Variants in SEZ6L observed in about 807,000 individuals in gnomAD.
SEZ6L encodes seizure 6-like protein.
SEZ6L carries 37 observed loss-of-function variants against 106.2 expected under a neutral mutation model. The observed-to-expected ratio is 0.35, with a 90% confidence interval of 0.27 to 0.46. The LOEUF (loss-of-function observed/expected upper bound fraction) is 0.46. Among genes scored for constraint, SEZ6L ranks in the 20% least tolerant of loss-of-function variants. SEZ6L has a pLI of 1.00. For synonymous variants in SEZ6L, 541 were observed against 570.4 expected (o/e 0.95, Z 0.73); for missense variants, 1,172 against 1,332.8 (o/e 0.88, Z 1.88).
intron 1 of SEZ6L, 76 bp downstream of exon 1, chr22:26,169,839 C>CAGGGGT: frequency 4.3e-6 from 3 of 702,660 alleles, no homozygotes; most frequent in Non-Finnish European, 4.0e-6. Flanking sequence ...TCGGGGCTGA[C>CAGGGGT]CAGGGCGACT....
intron 1 of SEZ6L, among the ~76,000 whole-genome samples, chr22:26,222,494 T>G (rs2078506341): frequency 6.6e-6 from 1 of 152,202 alleles, no homozygotes; most frequent in Non-Finnish European, 1.5e-5. Context: ...CCAGCATTAT[T>G]GAGCCCTTCT....
chr22:26,275,548 G>C lies in SEZ6L; in HGVS notation c.95-16858G>C, dbSNP rs144314506. Among the ~76,000 whole-genome samples, 728 of 152,242 alleles carry C rather than the reference G, an allele frequency of 4.8e-3. 4 individuals carry two copies. The highest frequency in any genetic ancestry group is 0.017 in the African/African-American group (702 of 41,522). On this transcript the variant is annotated intron_variant, in intron 1 of 16. Transcript: ENST00000248933. ...TTCCATTATACAGAGGGTAAGTTGAGGCCCAGAAATGACAAGGGACTTCCC... is the reference window on the plus strand; with the variant it reads ...TTCCATTATACAGAGGGTAAGTTGACGCCCAGAAATGACAAGGGACTTCCC...
At chr22:26,230,932 A>C (rs2078779808) in intron 1 of SEZ6L, among the ~76,000 whole-genome samples, 1 of 152,232 alleles carries the variant, frequency 6.6e-6, no homozygotes, top group Non-Finnish European at 1.5e-5. Flanking sequence ...AAGTCGCCCA[A>C]GGCTTTCCAG....
At position 26,293,493 on chromosome 22, in the gene SEZ6L, G is replaced by A. The variant is rs144050057; in HGVS notation, c.835+347G>A. On this transcript the variant is annotated intron_variant, in intron 2 of 16. Transcript: ENST00000248933. ...CTACAAGCATGCACTATGATGTCCA[G>A]CTAATTTTTTTGTTTTTTGTAGAAA... 4.7e-4 allele frequency among the ~76,000 whole-genome samples: 72 copies of A among 152,276 alleles called. No homozygotes were observed. In the East Asian group the frequency reaches 8.3e-3, roughly 18 times the overall value.
rs187413336 is a variant in SEZ6L at position 26,274,428 on chromosome 22, C to T, written c.95-17978C>T. Among the ~76,000 whole-genome samples the T allele has an allele frequency of 8.9e-4, 135 of 152,298 alleles. No homozygotes were observed. In the Middle Eastern group the frequency reaches 0.01, roughly 12 times the overall value. On this transcript the variant is annotated intron_variant, in intron 1 of 16. Coordinates refer to ENST00000248933, the MANE Select transcript of SEZ6L (RefSeq NM_021115.5). ...ACAAGCACTTATCACCATTGGCCTT[C>T]ATCATCACCACCATCATCATCAAAG... is the stretch of plus-strand genomic sequence containing the variant.
chr22:26,289,696 G>A lies in SEZ6L; in HGVS notation c.95-2710G>A, dbSNP rs533837321. ...ACAGGAACATTTGTTGATGCCAGTTGCAAACTGTTGCAGTCTATATAGATT... is the reference window on the plus strand; with the variant it reads ...ACAGGAACATTTGTTGATGCCAGTTACAAACTGTTGCAGTCTATATAGATT... On this transcript the variant is annotated intron_variant, in intron 1 of 16. Transcript: ENST00000248933. 1.5e-3 allele frequency among the ~76,000 whole-genome samples: 235 copies of A among 152,344 alleles called. 5 individuals are homozygous for A. In the South Asian group the frequency reaches 0.016, roughly 10 times the overall value.
chr22:26,234,205 G>A (rs942325701), intron 1 of SEZ6L, among the ~76,000 whole-genome samples: 5 of 152,150 alleles, frequency 3.3e-5, no homozygotes, highest in Admixed American at 6.5e-5. Flanking sequence ...GAAACATCAC[G>A]TTAGCTCCTT....
intron 9 of SEZ6L, among the ~76,000 whole-genome samples, chr22:26,318,933 T>C (rs2082079593): frequency 6.6e-6 from 1 of 152,210 alleles, no homozygotes; most frequent in Admixed American, 6.5e-5. Context: ...CTGGCTTTCT[T>C]AACAAGTTGG....
Position 26,347,621 on chromosome 22 carries a change from CT to C in SEZ6L, c.2213-90del, listed in dbSNP as rs529855142. 2.3e-3 allele frequency: 2,323 copies of C among 1,013,156 alleles called. 2 individuals carry two copies. Among genetic ancestry groups the C allele is most frequent in the Non-Finnish European group, 2.9e-3 (2,087 of 714,614 alleles). 62.8% of individuals were successfully genotyped at this position (1,013,156 alleles called of 1,614,324 possible). On this transcript the variant is annotated intron_variant, in intron 10 of 16. Transcript: ENST00000248933. ...GAAGCGTGTTGCTCATTTCTAGAGGCTTTTTTTTCTCTTCGCTCATCCCTCT... is the reference window on the plus strand; with the variant it reads ...GAAGCGTGTTGCTCATTTCTAGAGGCTTTTTTTCTCTTCGCTCATCCCTCT...
intron 11 of SEZ6L, among the ~76,000 whole-genome samples, chr22:26,348,516 AGG>A (rs2083085166): frequency 6.2e-5 from 1 of 16,168 alleles, no homozygotes; most frequent in Non-Finnish European, 1.3e-4. Context: ...GAGAGAGAGA[AGG>A]AAGGAAGGAA....
Position 26,313,571 on chromosome 22 carries a change from T to TACACAC in SEZ6L, c.1877-166_1877-161dup, listed in dbSNP as rs56086023. On this transcript the variant is annotated intron_variant, in intron 8 of 16. Transcript: ENST00000248933. ...AGCTGGCCAGCTCTCATTTAATCAT[T>TACACAC]ACACACACACACACACACACACACA... is the stretch of plus-strand genomic sequence containing the variant. Among the ~76,000 whole-genome samples the TACACAC allele has an allele frequency of 3.8e-3, 395 of 103,876 alleles. 2 individuals are homozygous for TACACAC. Among genetic ancestry groups the TACACAC allele is most frequent in the African/African-American group, 0.014 (323 of 22,590 alleles). The allele number at this position is 103,876 out of a possible 152,430, so 68.1% of individuals were successfully genotyped here. A position where few individuals can be genotyped will look rare whatever the true frequency, so the allele number is the denominator to read the frequency against.
chr22:26,365,350 C>T (rs2146057332), intron 12 of SEZ6L, 22 bp from the exon 13 acceptor site: 1 of 1,591,028 alleles, frequency 6.3e-7, no homozygotes, highest in Non-Finnish European at 8.6e-7. Context: ...CTCATCAGAG[C>T]TCCTTCTGGC....
At chr22:26,316,052 CA>C (rs557963856) in intron 9 of SEZ6L, among the ~76,000 whole-genome samples, 2 of 150,748 alleles carry the variant, frequency 1.3e-5, no homozygotes, top group South Asian at 2.1e-4. Context: ...GACTCTGTCT[CA>C]AAAAAAAATA....
intron 6 of SEZ6L, 133 bp from the exon 7 acceptor site, chr22:26,310,537 A>C: frequency 9.9e-7 from 1 of 1,009,310 alleles, no homozygotes; most frequent in Admixed American, 2.6e-5. Flanking sequence ...ACTCTGTCAA[A>C]AAAAAAGAGG....
intron 1 of SEZ6L, among the ~76,000 whole-genome samples, chr22:26,203,155 C>G (rs1941081740): frequency 6.6e-6 from 1 of 152,218 alleles, no homozygotes; most frequent in South Asian, 2.1e-4. Context: ...TAGAACATCT[C>G]TCTAGGTCCT....
At position 26,189,667 on chromosome 22, in the gene SEZ6L, G is replaced by A. The variant is rs1251549384; in HGVS notation, c.94+19904G>A. Among the ~76,000 whole-genome samples, 9 of 152,254 alleles carry A rather than the reference G, an allele frequency of 5.9e-5. No individual in the cohort carries two copies. In the East Asian group the frequency reaches 7.7e-4, roughly 13 times the overall value. ...TTGTATGAGATGATGTGCATAAGTT[G>A]TACGCAAATACTACTCCATTTTCTA... On this transcript the variant is annotated intron_variant, in intron 1 of 16. Transcript: ENST00000248933.
intron 5 of SEZ6L, among the ~76,000 whole-genome samples, chr22:26,305,013 G>C (rs567623005): frequency 6.6e-6 from 1 of 152,074 alleles, no homozygotes; most frequent in Non-Finnish European, 1.5e-5. Context: ...TTGCTTCTCC[G>C]CTACAAACCT....
At chr22:26,314,275 G>T (rs1462065057) in intron 9 of SEZ6L, among the ~76,000 whole-genome samples, 1 of 152,202 alleles carries the variant, frequency 6.6e-6, no homozygotes, top group Non-Finnish European at 1.5e-5. Flanking sequence ...AAAAAGGAAG[G>T]TCAGAGAAGT....
chr22:26,360,244 G>A (rs945932281), intron 12 of SEZ6L, among the ~76,000 whole-genome samples: 6 of 152,170 alleles, frequency 3.9e-5, no homozygotes, highest in African/African-American at 1.4e-4. Context: ...CTTAGCCTGG[G>A]GGTCCTGCTC....
Sources: allele counts gnomAD v4.1 joint callset (sites outside exome capture counted in the v4.1 genomes callset), GRCh38; gene constraint gnomAD v4.1.1; transcripts MANE v1.5; gene names NCBI Gene and HGNC (gene_info 2026-07-23, HGNC 2026-07-21).